Variants in ABTB2 observed in about 807,000 individuals in gnomAD.
ABTB2 encodes the protein ankyrin repeat and BTB/POZ domain-containing protein 2.
In ABTB2, 56 loss-of-function variants were observed where a neutral mutation model predicts 104.1. That is an observed-to-expected ratio of 0.54 (90% CI 0.43 to 0.67). The LOEUF (loss-of-function observed/expected upper bound fraction) is 0.67, where lower values mean the gene tolerates loss of function less well. Among genes scored for constraint, ABTB2 ranks in the 30% least tolerant of loss-of-function variants. ABTB2 has a pLI of 0.00. For synonymous variants in ABTB2, 606 were observed against 608.2 expected, an observed-to-expected ratio of 1.00 and a Z score of 0.05; for missense variants, 1,279 against 1,407.7, an observed-to-expected ratio of 0.91 and a Z score of 1.46.
intron 7 of ABTB2, among the ~76,000 whole-genome samples, chr11:34,166,875 G>A (rs1261418718): frequency 6.6e-6 from 1 of 152,194 alleles, no homozygotes; most frequent in Non-Finnish European, 1.5e-5. Context: ...ATATAGAGTT[G>A]GCCCTGTAGT....
chr11:34,151,271 CTG>C lies in ABTB2; in HGVS notation c.*1114_*1115del, dbSNP rs1852534117. The C allele has an allele frequency of 6.6e-6, 1 of 152,282 alleles. No homozygotes were observed. Among genetic ancestry groups the C allele is most frequent in the Non-Finnish European group, 1.5e-5 (1 of 68,044 alleles). The allele number at this position is 152,282 out of a possible 1,614,324, so 9.4% of individuals were successfully genotyped here. On this transcript the variant is annotated 3_prime_UTR_variant, in exon 17 of 17. Transcript: ENST00000435224. The stretch of plus-strand genomic sequence containing the variant: ...GCTGAAGAAGTTGCACCCAGACAGA[CTG>C]TGCCTGATGCTGCCCCAGTGTCTGG...
intron 1 of ABTB2, among the ~76,000 whole-genome samples, chr11:34,287,562 C>T (rs1002115780): frequency 1.3e-5 from 2 of 152,168 alleles, no homozygotes; most frequent in African/African-American, 4.8e-5. Context: ...CAGATCTCCT[C>T]TTTATATGGC....
At chr11:34,158,286 G>A (rs542979340) in intron 14 of ABTB2, among the ~76,000 whole-genome samples, 22 of 152,278 alleles carry the variant, frequency 1.4e-4, no homozygotes, top group African/African-American at 4.3e-4. Context: ...GGTGGCGGGC[G>A]CCTGTAGTCC....
In ABTB2 at chr11:34,339,922, G is replaced by A. The variant is rs530477160; in HGVS notation, c.883+16779C>T. Reference sequence around the variant, plus strand: ...TTGACTGGGTGGTGCTTGTTAGCTTGTTATACAGCTGGAACCAGCAGGAAG... The same window carrying A: ...TTGACTGGGTGGTGCTTGTTAGCTTATTATACAGCTGGAACCAGCAGGAAG... On this transcript the variant is annotated intron_variant, in intron 1 of 16. Transcript: ENST00000435224. Among the ~76,000 whole-genome samples, 5 of 152,196 alleles carry A rather than the reference G, an allele frequency of 3.3e-5. No individual in the cohort carries two copies. The South Asian group carries it at 1.0e-3, about 32-fold the overall frequency.
Position 34,172,388 on chromosome 11 carries a change from AAAAAAAAAT to A in ABTB2, c.1397+758_1397+766del, listed in dbSNP as rs1480832885. Among the ~76,000 whole-genome samples the A allele has an allele frequency of 9.6e-4, 75 of 78,068 alleles. 4 individuals are homozygous for A. Among genetic ancestry groups the A allele is most frequent in the East Asian group, 2.2e-3 (8 of 3,664 alleles). 51.2% of individuals were successfully genotyped at this position (78,068 alleles called of 152,430 possible). On this transcript the variant is annotated intron_variant, in intron 4 of 16. Transcript: ENST00000435224. Reference sequence around the variant, plus strand: ...CTCTGTCTCAAAAAAAAAAAAAAAAAAAAAAAAATATATATATATATATATATATATGTG... The same window carrying A: ...CTCTGTCTCAAAAAAAAAAAAAAAAAATATATATATATATATATATATGTG...
chr11:34,164,930 A>G, intron 8 of ABTB2, 109 bp from the exon 9 acceptor site: 4 of 1,340,064 alleles, frequency 3.0e-6, no homozygotes, highest in Non-Finnish European at 4.0e-6. Context: ...GTGCTGGAAT[A>G]AGTCAGTAAA....
intron 1 of ABTB2, among the ~76,000 whole-genome samples, chr11:34,301,198 G>T (rs1854701539): frequency 6.6e-6 from 1 of 152,126 alleles, no homozygotes; most frequent in Non-Finnish European, 1.5e-5. Flanking sequence ...TGGGTCACTT[G>T]CAGTTAGGAA....
chr11:34,197,602 C>G, intron 2 of ABTB2, 64 bp from the exon 3 acceptor site: 1 of 1,157,184 alleles, frequency 8.6e-7, no homozygotes, highest in Non-Finnish European at 1.2e-6. Context: ...TCTGAGTTCA[C>G]AGCCTGCATT....
Position 34,154,266 on chromosome 11 carries a change from T to C in ABTB2, c.2879A>G (p.Lys960Arg), listed in dbSNP as rs1381228569. ...CCAGCAGGCATCCTTGGCCCTCACC[T>C]TGGCATATTTGTAGGTGTTCACGGC... ...ESAVNTYKYA[K>R]IHNAPELALF... is the part of the protein sequence containing the mutation. The change falls in exon 16 of 17, where the codon AAG (lysine) becomes AGG (arginine). Residue 960 changes from lysine (K) to arginine (R), a missense_variant and splice_region_variant. Transcript: ENST00000435224. The surrounding 1 kb of genome is among the most constrained non-coding windows in gnomAD (Gnocchi z 4.9). 5.0e-6 allele frequency: 8 copies of C among 1,613,016 alleles called. No homozygotes were observed. The highest frequency in any genetic ancestry group is 1.3e-5 in the African/African-American group (1 of 74,902).
intron 1 of ABTB2, among the ~76,000 whole-genome samples, chr11:34,266,543 C>G (rs1376131560): frequency 1.3e-5 from 2 of 152,160 alleles, no homozygotes; most frequent in Non-Finnish European, 2.9e-5. Context: ...TATTTCTGAG[C>G]AAAGGCCTTA....
intron 1 of ABTB2, among the ~76,000 whole-genome samples, chr11:34,285,114 G>A (rs1200164204): frequency 4.6e-5 from 7 of 152,334 alleles, no homozygotes; most frequent in South Asian, 4.1e-4. Context: ...TAGACCAGGC[G>A]GAGGGGGGCT....
chr11:34,342,072 T>G lies in ABTB2; in HGVS notation c.883+14629A>C, dbSNP rs1855267632. On this transcript the variant is annotated intron_variant, in intron 1 of 16. Coordinates refer to ENST00000435224, the MANE Select transcript of ABTB2 (RefSeq NM_145804.3). ...GTAAACAAGAAGAGGTCCCACACTC[T>G]CCAAGGTATCATAAATCAAGGAAAT... Among the ~76,000 whole-genome samples the G allele has an allele frequency of 2.0e-5, 3 of 152,128 alleles. 1 individual carries two copies. The South Asian group carries it at 6.2e-4, about 31-fold the overall frequency.
At chr11:34,185,428 C>T (rs1203901875) in intron 3 of ABTB2, among the ~76,000 whole-genome samples, 2 of 152,218 alleles carry the variant, frequency 1.3e-5, no homozygotes, top group Non-Finnish European at 2.9e-5. Flanking sequence ...CTGGCATTGG[C>T]TTCTGAGCAG....
chr11:34,221,364 C>G (rs1853619828), intron 1 of ABTB2, among the ~76,000 whole-genome samples: 1 of 152,210 alleles, frequency 6.6e-6, no homozygotes, highest in South Asian at 2.1e-4. Flanking sequence ...AGACTTCATC[C>G]CCAAATACAG....
intron 1 of ABTB2, among the ~76,000 whole-genome samples, chr11:34,255,531 T>A (rs1470332228): frequency 1.3e-5 from 2 of 152,116 alleles, no homozygotes; most frequent in African/African-American, 4.8e-5. Context: ...CTCGCTCTGT[T>A]GCGCAGGCTG....
At chr11:34,277,683 G>C (rs1291506402) in intron 1 of ABTB2, among the ~76,000 whole-genome samples, 1 of 151,398 alleles carries the variant, frequency 6.6e-6, no homozygotes, top group Non-Finnish European at 1.5e-5. Flanking sequence ...AGGAGGCTGA[G>C]GCAGGAGAAT....
Position 34,214,139 on chromosome 11 carries a change from A to ACACACACACACAC in ABTB2, c.884-9450_884-9449insGTGTGTGTGTGTG, listed in dbSNP as rs1853519948. Among the ~76,000 whole-genome samples, 701 of 139,264 alleles carry ACACACACACACAC rather than the reference A, an allele frequency of 5.0e-3. 10 individuals are homozygous for ACACACACACACAC. Among genetic ancestry groups the ACACACACACACAC allele is most frequent in the African/African-American group, 0.019 (666 of 35,482 alleles). The allele number at this position is 139,264 out of a possible 152,430, so 91.4% of individuals were successfully genotyped here. ...TTTTCTATTAAGGCAGCACATTCAA[A>ACACACACACACAC]ACACACACACACACACACACACACA... On this transcript the variant is annotated intron_variant, in intron 1 of 16. Coordinates refer to ENST00000435224, the MANE Select transcript of ABTB2 (RefSeq NM_145804.3).
chr11:34,172,434 GTATA>G, intron 4 of ABTB2, among the ~76,000 whole-genome samples: 1 of 62,658 alleles, frequency 1.6e-5, no homozygotes, highest in African/African-American at 6.3e-5. Flanking sequence ...GTGTGTGTGT[GTATA>G]TAGATAGATA....
chr11:34,289,503 G>T (rs1356224329), intron 1 of ABTB2, among the ~76,000 whole-genome samples: 1 of 152,172 alleles, frequency 6.6e-6, no homozygotes, highest in Non-Finnish European at 1.5e-5. Context: ...GGCTTAGAGA[G>T]GCCAAGCAAT....
Sources: gnomAD v4.1 joint callset for allele counts (sites outside exome capture counted in the v4.1 genomes callset) on GRCh38, gnomAD v4.1.1 for gene constraint, Gnocchi (gnomAD v3.1) non-coding constraint, MANE v1.5 for transcripts, NCBI Gene and HGNC (gene_info 2026-07-23, HGNC 2026-07-21) for gene names.